The following OSGIN2 variants were observed in gnomAD, a reference collection of about 807,000 sequenced individuals.
OSGIN2 encodes the protein oxidative stress induced growth inhibitor family member 2, also known as oxidative stress-induced growth inhibitor 2.
Under a neutral mutation model 53.8 loss-of-function variants are expected in OSGIN2, and 19 were observed. The ratio of observed to expected loss-of-function variants is 0.35; its 90% CI spans 0.25 to 0.52. The LOEUF is 0.52. Among genes scored for constraint, OSGIN2 ranks in the 20% least tolerant of loss-of-function variants. The pLI, the probability that OSGIN2 is intolerant of heterozygous loss-of-function variation, is 0.95. For synonymous variants in OSGIN2, 236 were observed against 236.0 expected (o/e 1.00, Z 0.00); for missense variants, 520 against 662.7 (o/e 0.78, Z 2.36).
At chr8:89,902,941 G>C in intron 1 of OSGIN2, 104 bp downstream of exon 1, 1 of 722,138 alleles carries the variant, frequency 1.4e-6, no homozygotes, top group Non-Finnish European at 1.9e-6. Context: ...CGAGCGCCTG[G>C]ACCGCAGCGT....
intron 5 of OSGIN2, 181 bp downstream of exon 5, chr8:89,921,352 C>G: frequency 2.0e-6 from 1 of 510,136 alleles, no homozygotes; most frequent in Non-Finnish European, 3.5e-6. Flanking sequence ...TGTTATAAAA[C>G]TAAGCACAGA....
rs1809192945 is a variant in OSGIN2, at chr8:89,921,177, G to A, written c.620+6G>A. The A allele has an allele frequency of 1.3e-6, 2 of 1,500,882 alleles. No homozygotes were observed. Among genetic ancestry groups the A allele is most frequent in the African/African-American group, 2.8e-5 (2 of 71,384 alleles). 93.0% of individuals were successfully genotyped at this position (1,500,882 alleles called of 1,614,324 possible). ...TGGGTATCAAGTAAACGAAGGTAAA[G>A]ATTGAACTGTATTAAAATTCTTTGG... On this transcript the variant is annotated splice_donor_region_variant and intron_variant, in intron 5 of 5. Coordinates refer to ENST00000451899, the MANE Select transcript of OSGIN2 (RefSeq NM_001126111.3).
Position 89,926,271 on chromosome 8 carries a change from A to G in OSGIN2, c.*739A>G, listed in dbSNP as rs540396747. The G allele has an allele frequency of 3.9e-5, 6 of 152,638 alleles. No individual in the cohort carries two copies. The highest frequency in any genetic ancestry group is 6.5e-5 in the Admixed American group (1 of 15,282). 9.5% of individuals were successfully genotyped at this position (152,638 alleles called of 1,614,324 possible). On this transcript the variant is annotated 3_prime_UTR_variant, in exon 6 of 6. Coordinates refer to ENST00000451899, the MANE Select transcript of OSGIN2 (RefSeq NM_001126111.3). ...TTCTTCTAATAATTTAAACAGTCCAATAATGTGGTATACACTTTGACATCC... is the reference window on the plus strand; with the variant it reads ...TTCTTCTAATAATTTAAACAGTCCAGTAATGTGGTATACACTTTGACATCC...
At position 89,914,539 on chromosome 8, in the gene OSGIN2, C is replaced by T; in HGVS notation, c.337-16C>T. 1 of 1,602,352 alleles carries T rather than the reference C, an allele frequency of 6.2e-7. No individual in the cohort carries two copies. Among genetic ancestry groups the T allele is most frequent in the Admixed American group, 1.7e-5 (1 of 59,416 alleles). ...GCTGGCTTTTTTCAAACTCTGTCTC[C>T]CTTTTGTTCATTCAGGACTTAGAAT... is the stretch of plus-strand genomic sequence containing the variant. On this transcript the variant is annotated splice_polypyrimidine_tract_variant and intron_variant, in intron 3 of 5. Transcript: ENST00000451899.
At chr8:89,910,145 C>T (rs751922126) in intron 2 of OSGIN2, among the ~76,000 whole-genome samples, 5 of 152,038 alleles carry the variant, frequency 3.3e-5, no homozygotes, top group East Asian at 1.9e-4. Context: ...AGTTAGTAAC[C>T]GGTGCTGTAT....
At chr8:89,918,734 A>G (rs181535225) in intron 4 of OSGIN2, among the ~76,000 whole-genome samples, 62 of 152,236 alleles carry the variant, frequency 4.1e-4, no homozygotes, top group African/African-American at 1.3e-3. Flanking sequence ...AGTCCCTTCA[A>G]TTTCCTTGTC....
At chr8:89,905,819 C>G (rs956758934) in intron 1 of OSGIN2, among the ~76,000 whole-genome samples, 14 of 152,234 alleles carry the variant, frequency 9.2e-5, no homozygotes, top group African/African-American at 3.4e-4. Flanking sequence ...ACTACTAGAC[C>G]TAATATATAA....
chr8:89,902,706 C>T lies in OSGIN2; in HGVS notation c.-88C>T, dbSNP rs1432220058. On this transcript the variant is annotated 5_prime_UTR_variant, in exon 1 of 6. Coordinates refer to ENST00000451899, the MANE Select transcript of OSGIN2 (RefSeq NM_001126111.3). The stretch of plus-strand genomic sequence containing the variant: ...GCCCGGCAGACCCCGCGACCCCGAG[C>T]CAGCGGGCGCCCCGAGCGGGCAGCC... The T allele has an allele frequency of 6.7e-6, 4 of 600,472 alleles. No individual in the cohort carries two copies. Among genetic ancestry groups the T allele is most frequent in the Non-Finnish European group, 8.5e-6 (4 of 468,172 alleles). The allele number at this position is 600,472 out of a possible 1,614,324, so 37.2% of individuals were successfully genotyped here. A position where few individuals can be genotyped will look rare whatever the true frequency, so the allele number is the denominator to read the frequency against.
At chr8:89,921,872 G>C (rs1391811132) in intron 5 of OSGIN2, among the ~76,000 whole-genome samples, 1 of 151,978 alleles carries the variant, frequency 6.6e-6, no homozygotes, top group African/African-American at 2.4e-5. Context: ...CCAGCTACTC[G>C]GGAGGCTAAG....
chr8:89,918,530 T>C (rs1019658596), intron 4 of OSGIN2, among the ~76,000 whole-genome samples: 2 of 152,206 alleles, frequency 1.3e-5, no homozygotes, highest in Non-Finnish European at 2.9e-5. Flanking sequence ...CTTCATACTC[T>C]TCATTCTCCC....
chr8:89,917,618 A>G (rs993259622), intron 4 of OSGIN2, among the ~76,000 whole-genome samples: 2 of 152,102 alleles, frequency 1.3e-5, no homozygotes, highest in African/African-American at 2.4e-5. Flanking sequence ...AACCTTTGAT[A>G]TTTCCTTATT....
chr8:89,909,568 A>C lies in OSGIN2; in HGVS notation c.46A>C (p.Asn16His). Residue 16 changes from asparagine (N) to histidine (H), a missense_variant and splice_region_variant, in exon 2 of 6, where the codon AAC becomes CAC. By Grantham distance (68) the Asn-to-His change is moderately conservative. Around this residue, in one of 3 missense-constraint regions of OSGIN2, gnomAD observed 203 missense variants for 275.3 expected, o/e 0.74. Coordinates refer to ENST00000451899, the MANE Select transcript of OSGIN2 (RefSeq NM_001126111.3). ...CRCSLAGHFR[N>H]YSDTETEGEI... Reference sequence around the variant, plus strand: ...ATTCCCCCTTTTTTTTTTTTAAAGAAACTATAGTGACACTGAAACTGAAGG... The same window carrying C: ...ATTCCCCCTTTTTTTTTTTTAAAGACACTATAGTGACACTGAAACTGAAGG... 6.7e-7 allele frequency: 1 copy of C among 1,492,778 alleles called. No homozygotes were observed. Among genetic ancestry groups the C allele is most frequent in the Non-Finnish European group, 9.0e-7 (1 of 1,112,460 alleles). 92.5% of individuals were successfully genotyped at this position (1,492,778 alleles called of 1,614,324 possible).
chr8:89,912,941 G>A (rs1809001214), intron 2 of OSGIN2, among the ~76,000 whole-genome samples: 1 of 152,072 alleles, frequency 6.6e-6, no homozygotes, highest in Non-Finnish European at 1.5e-5. Flanking sequence ...CCGCAGGACT[G>A]GTTCAGTTGA....
At position 89,902,737 on chromosome 8, in the gene OSGIN2, G is replaced by C. The variant is rs1004670367; in HGVS notation, c.-57G>C. The C allele has an allele frequency of 2.9e-5, 31 of 1,076,800 alleles. No homozygotes were observed. Among genetic ancestry groups the C allele is most frequent in the Non-Finnish European group, 3.5e-6 (3 of 866,258 alleles). The allele number at this position is 1,076,800 out of a possible 1,614,324, so 66.7% of individuals were successfully genotyped here. ...GGCGCCCCGAGCGGGCAGCCTCGCC[G>C]GGGGAGGCGGAGGCGGCCACGGCGG... is the stretch of plus-strand genomic sequence containing the variant. On this transcript the variant is annotated 5_prime_UTR_variant, in exon 1 of 6. Transcript: ENST00000451899.
intron 1 of OSGIN2, among the ~76,000 whole-genome samples, chr8:89,903,288 T>C (rs1433602629): frequency 6.6e-6 from 1 of 152,244 alleles, no homozygotes; most frequent in African/African-American, 2.4e-5. Flanking sequence ...CTTGTTAAGA[T>C]GTTAGCCATG....
rs1809367831 is a variant in OSGIN2, at chr8:89,927,452, A to G, written c.*1920A>G. On this transcript the variant is annotated 3_prime_UTR_variant, in exon 6 of 6. Coordinates refer to ENST00000451899, the MANE Select transcript of OSGIN2 (RefSeq NM_001126111.3). ...AACATTTGGGCATTTTCTCTGATATACTATACTCTCATGTTCTATAAATTT... is the reference window on the plus strand; with the variant it reads ...AACATTTGGGCATTTTCTCTGATATGCTATACTCTCATGTTCTATAAATTT... 6.6e-6 allele frequency: 1 copy of G among 152,172 alleles called. No individual in the cohort carries two copies. The highest frequency in any genetic ancestry group is 2.4e-5 in the African/African-American group (1 of 41,432). 9.4% of individuals were successfully genotyped at this position (152,172 alleles called of 1,614,324 possible).
chr8:89,907,039 T>TA (rs1485721078), intron 1 of OSGIN2, among the ~76,000 whole-genome samples: 4 of 152,228 alleles, frequency 2.6e-5, no homozygotes, highest in Non-Finnish European at 5.9e-5. Flanking sequence ...CTTTTTTTCA[T>TA]ATGATTGTTG....
rs545729130 is a variant in OSGIN2, at chr8:89,915,088, CATT to C, written c.528+346_528+348del. Among the ~76,000 whole-genome samples, 17 of 152,126 alleles carry C rather than the reference CATT, an allele frequency of 1.1e-4. No individual in the cohort carries two copies. The South Asian group carries it at 2.9e-3, about 26-fold the overall frequency. ...TCACATAGTATTTCAAAGCAGTATC[CATT>C]ATTTTCTTACATTTTCAGAATCTTA... On this transcript the variant is annotated intron_variant, in intron 4 of 5. Coordinates refer to ENST00000451899, the MANE Select transcript of OSGIN2 (RefSeq NM_001126111.3).
chr8:89,904,491 C>A (rs1808794307), intron 1 of OSGIN2, among the ~76,000 whole-genome samples: 1 of 152,046 alleles, frequency 6.6e-6, no homozygotes, highest in Admixed American at 6.5e-5. Flanking sequence ...ATAAACCACA[C>A]TTTTTATTGC....
Sources: gnomAD v4.1 joint callset for allele counts (sites outside exome capture counted in the v4.1 genomes callset) on GRCh38, gnomAD v4.1.1 for gene constraint, gnomAD v4.1.1 regional missense constraint, MANE v1.5 for transcripts, NCBI Gene and HGNC (gene_info 2026-07-23, HGNC 2026-07-21) for gene names.